ATP11A: variants seen among roughly 807,000 people sequenced by gnomAD.
ATP11A encodes the protein phospholipid-transporting ATPase IH.
Under a neutral mutation model 154.4 loss-of-function variants are expected in ATP11A, and 81 were observed. The ratio of observed to expected loss-of-function variants is 0.52; its 90% CI spans 0.44 to 0.63. The LOEUF (loss-of-function observed/expected upper bound fraction) is 0.63. Among genes scored for constraint, ATP11A ranks in the 30% least tolerant of loss-of-function variants. The pLI, the probability that ATP11A is intolerant of heterozygous loss-of-function variation, is 0.00. For missense variants in ATP11A, 1,316 were observed against 1,474.3 expected (o/e 0.89, Z 1.76); for synonymous variants, 623 against 585.9 (o/e 1.06, Z -0.91).
intron 1 of ATP11A, among the ~76,000 whole-genome samples, chr13:112,732,172 G>A (rs1169152908): frequency 1.3e-5 from 2 of 152,162 alleles, no homozygotes; most frequent in East Asian, 1.9e-4. Flanking sequence ...GGCCCGTGAC[G>A]GTCTGGAGTC....
intron 1 of ATP11A, among the ~76,000 whole-genome samples, chr13:112,778,565 C>T (rs947261332): frequency 3.3e-5 from 5 of 152,252 alleles, no homozygotes; most frequent in Admixed American, 1.3e-4. Flanking sequence ...TCCCTGTGAA[C>T]AGCCGCTGGA....
chr13:112,810,572 C>CCCTCTCTCCCTGCTT (rs764474616), intron 4 of ATP11A, 47 bp from the exon 5 acceptor site: 2 of 1,495,608 alleles, frequency 1.3e-6, no homozygotes, highest in Non-Finnish European at 1.9e-6. Context: ...TCTCCTCCTT[C>CCCTCTCTCCCTGCTT]CCTCTCTCCC....
At chr13:112,813,680 C>G (rs1232873274) in intron 5 of ATP11A, among the ~76,000 whole-genome samples, 42 of 152,088 alleles carry the variant, frequency 2.8e-4, no homozygotes, top group Admixed American at 2.7e-3. Context: ...AAAGGAACTG[C>G]CAAATGGTTT....
At chr13:112,702,885 C>T (rs76617945) in intron 1 of ATP11A, among the ~76,000 whole-genome samples, 138 of 152,318 alleles carry the variant, frequency 9.1e-4, no homozygotes, top group African/African-American at 3.1e-3. Flanking sequence ...TTATGAGAAT[C>T]ATGTTAACAC....
At chr13:112,780,740 C>T (rs1463897985) in intron 1 of ATP11A, among the ~76,000 whole-genome samples, 2 of 152,100 alleles carry the variant, frequency 1.3e-5, no homozygotes, top group Non-Finnish European at 2.9e-5. Flanking sequence ...ACGTGGCTTT[C>T]TCGATGCAGT....
At chr13:112,777,722 G>A (rs1229965974) in intron 1 of ATP11A, among the ~76,000 whole-genome samples, 1 of 152,234 alleles carries the variant, frequency 6.6e-6, no homozygotes, top group East Asian at 1.9e-4. Context: ...TGGAAGGTGG[G>A]TGGGAAGGCT....
At chr13:112,705,376 G>C (rs755452593) in intron 1 of ATP11A, among the ~76,000 whole-genome samples, 6 of 152,210 alleles carry the variant, frequency 3.9e-5, no homozygotes, top group Non-Finnish European at 5.9e-5. Flanking sequence ...CTCAGCACGC[G>C]GGGGTGCTCA....
At chr13:112,804,496 G>A (rs1032719771) in intron 2 of ATP11A, among the ~76,000 whole-genome samples, 1 of 100,774 alleles carries the variant, frequency 9.9e-6, no homozygotes, top group Non-Finnish European at 2.0e-5. Flanking sequence ...CCTTCCCCCT[G>A]AGGCCTCAAA....
intron 29 of ATP11A, chr13:112,880,700 G>C (rs559938385): frequency 8.0e-7 from 1 of 1,248,138 alleles, no homozygotes; most frequent in Non-Finnish European, 1.0e-6. Flanking sequence ...TGTCAGACCC[G>C]TTTTTCCTCC....
At chr13:112,738,650 A>G (rs1891230194) in intron 1 of ATP11A, among the ~76,000 whole-genome samples, 1 of 152,192 alleles carries the variant, frequency 6.6e-6, no homozygotes, top group Admixed American at 6.5e-5. Context: ...GCCCAAGGCA[A>G]TGTGGCTCAG....
At chr13:112,723,089 A>G (rs1283781207) in intron 1 of ATP11A, among the ~76,000 whole-genome samples, 1 of 152,000 alleles carries the variant, frequency 6.6e-6, no homozygotes, top group East Asian at 1.9e-4. Context: ...CCTGTTTAGC[A>G]GGTCTGACGC....
At chr13:112,748,776 C>A (rs115756445) in intron 1 of ATP11A, among the ~76,000 whole-genome samples, 64 of 152,254 alleles carry the variant, frequency 4.2e-4, no homozygotes, top group African/African-American at 1.5e-3. Context: ...TGTTTTAAAA[C>A]CATATTATCA....
chr13:112,702,345 C>CAAAACAA (rs1555302533), intron 1 of ATP11A, among the ~76,000 whole-genome samples: 2 of 121,764 alleles, frequency 1.6e-5, no homozygotes, highest in Non-Finnish European at 3.3e-5. Context: ...GATTCTGTCT[C>CAAAACAA]AAAAAAAAAA....
intron 1 of ATP11A, among the ~76,000 whole-genome samples, chr13:112,740,902 C>T (rs1891477609): frequency 6.6e-6 from 1 of 152,202 alleles, no homozygotes; most frequent in Non-Finnish European, 1.5e-5. Flanking sequence ...ATGCTGCGCT[C>T]AGCGTTATTC....
At chr13:112,854,588 A>C (rs1003714437) in intron 19 of ATP11A, 58 bp downstream of exon 19, 2 of 1,553,666 alleles carry the variant, frequency 1.3e-6, no homozygotes, top group Non-Finnish European at 1.7e-6. Context: ...CTTCAGACCC[A>C]GTGGCCTTCA....
Position 112,878,223 on chromosome 13 carries a change from A to C in ATP11A, c.3334A>C (p.Ser1112Arg), listed in dbSNP as rs1460328887. Reference sequence around the variant, plus strand: ...CGCTGACCTCGGGACTAAGACTAAGAGCCAGTGCCTTTCTGTCGAGCAGTC... The same window carrying C: ...CGCTGACCTCGGGACTAAGACTAAGCGCCAGTGCCTTTCTGTCGAGCAGTC... The part of the protein sequence containing the change: ...PTATERVQTK[S>R]QCLSVEQSTI... The change falls in exon 29 of 30, where the codon AGC (serine) becomes CGC (arginine). Residue 1112 changes from serine to arginine, a missense_variant. Coordinates refer to ENST00000375645, the MANE Select transcript of ATP11A (RefSeq NM_015205.3). 1 of 1,614,204 alleles carries C rather than the reference A, an allele frequency of 6.2e-7. No homozygotes were observed. Among genetic ancestry groups the C allele is most frequent in the South Asian group, 1.1e-5 (1 of 91,078 alleles).
In ATP11A at chr13:112,860,280, C is replaced by G; in HGVS notation, c.2728-7C>G. The G allele has an allele frequency of 1.9e-6, 3 of 1,612,080 alleles. No individual in the cohort carries two copies. Among genetic ancestry groups the G allele is most frequent in the Non-Finnish European group, 2.5e-6 (3 of 1,178,670 alleles). ...AGGTGCCACTTCTTGTGACTTTCCT[C>G]TTACAGACTTTGTACGACACCGCGT... On this transcript the variant is annotated splice_polypyrimidine_tract_variant and splice_region_variant and intron_variant, in intron 23 of 29. Coordinates refer to ENST00000375645, the MANE Select transcript of ATP11A (RefSeq NM_015205.3).
At chr13:112,778,895 G>C (rs1469096743) in intron 1 of ATP11A, among the ~76,000 whole-genome samples, 1 of 108,376 alleles carries the variant, frequency 9.2e-6, no homozygotes, top group Admixed American at 9.1e-5. Context: ...GCTGGAGTGA[G>C]GAGTAGCCAC....
intron 3 of ATP11A, among the ~76,000 whole-genome samples, chr13:112,805,951 C>T (rs1003448592): frequency 1.3e-5 from 2 of 151,242 alleles, no homozygotes; most frequent in South Asian, 2.1e-4. Flanking sequence ...TAATACAAGG[C>T]GTGCCCCGAC....
Sources: gnomAD v4.1 joint callset for allele counts (sites outside exome capture counted in the v4.1 genomes callset) on GRCh38, gnomAD v4.1.1 for gene constraint, MANE v1.5 for transcripts, NCBI Gene and HGNC (gene_info 2026-07-23, HGNC 2026-07-21) for gene names.